Variants in XKR9 observed in about 807,000 individuals in gnomAD.
XKR9 encodes the protein XK related 9, also known as XK-related protein 9.
Under a neutral mutation model 32.0 loss-of-function variants are expected in XKR9, and 32 were observed. The ratio of observed to expected loss-of-function variants is 1.00; its 90% CI spans 0.76 to 1.34. The LOEUF (loss-of-function observed/expected upper bound fraction) is 1.34. Among genes scored for constraint, XKR9 ranks in the 40% most tolerant of loss-of-function variants. The pLI is 0.00. For synonymous variants in XKR9, 168 were observed against 143.4 expected, an observed-to-expected ratio of 1.17 and a Z score of -1.22; for missense variants, 546 against 429.7, an observed-to-expected ratio of 1.27 and a Z score of -2.39.
chr8:70,985,316 C>T, the XKR9 span, among the ~76,000 whole-genome samples: 1 of 152,196 alleles, frequency 6.6e-6, no homozygotes, highest in Non-Finnish European at 1.5e-5. Context: ...CAGCCTCATT[C>T]ATGTCCCTGC....
chr8:70,740,946 C>G (rs1302647835), intron 2 of XKR9, among the ~76,000 whole-genome samples: 1 of 152,220 alleles, frequency 6.6e-6, no homozygotes, highest in Admixed American at 6.5e-5. Context: ...GGCAGTCTGC[C>G]CGTTCTGAGA....
the XKR9 span, among the ~76,000 whole-genome samples, chr8:71,005,413 C>T: frequency 1.3e-5 from 2 of 150,976 alleles, no homozygotes; most frequent in East Asian, 2.0e-4. Context: ...TGGTAGAGAC[C>T]GGGTTTCATC....
At chr8:70,727,689 C>T (rs146615124) in intron 4 of XKR9, among the ~76,000 whole-genome samples, 11 of 152,186 alleles carry the variant, frequency 7.2e-5, no homozygotes, top group East Asian at 3.9e-4. Context: ...TGAACCACCG[C>T]GCCTGGCCTG....
At chr8:71,059,569 T>G in the XKR9 span, among the ~76,000 whole-genome samples, 7 of 152,238 alleles carry the variant, frequency 4.6e-5, no homozygotes, top group African/African-American at 1.7e-4. Context: ...CTTAGTGCTA[T>G]TCTCTCCCTT....
the XKR9 span, among the ~76,000 whole-genome samples, chr8:71,054,491 AG>A: frequency 1.4e-4 from 21 of 152,084 alleles, no homozygotes; most frequent in Non-Finnish European, 2.8e-4. Context: ...GCTGACACTA[AG>A]GGTAGGAGCC....
intron 3 of XKR9, among the ~76,000 whole-genome samples, chr8:70,696,322 C>A (rs188122988): frequency 0.072 from 11,002 of 152,198 alleles, 455 homozygotes; most frequent in Non-Finnish European, 0.088. Context: ...TTAGGCCTAA[C>A]ATGTAAGTCT....
intron 3 of XKR9, among the ~76,000 whole-genome samples, chr8:70,682,963 T>C (rs1819135291): frequency 6.6e-6 from 1 of 152,234 alleles, no homozygotes; most frequent in South Asian, 2.1e-4. Context: ...GTGTATCCTT[T>C]AGTATGGATG....
At chr8:70,919,876 C>A in the XKR9 span, among the ~76,000 whole-genome samples, 1 of 152,272 alleles carries the variant, frequency 6.6e-6, no homozygotes, top group South Asian at 2.1e-4. Context: ...TTCAAACAAA[C>A]TTTTCTTCCT....
At chr8:70,957,735 A>G in the XKR9 span, among the ~76,000 whole-genome samples, 1 of 150,592 alleles carries the variant, frequency 6.6e-6, no homozygotes, top group South Asian at 2.1e-4. Flanking sequence ...TTATGGCTGC[A>G]TAGTATTCCA....
At chr8:70,754,706 C>G (rs1020238366) in intron 2 of XKR9, among the ~76,000 whole-genome samples, 4 of 150,932 alleles carry the variant, frequency 2.7e-5, no homozygotes, top group African/African-American at 7.3e-5. Flanking sequence ...AACTGGCTAG[C>G]CATATGTAGA....
At chr8:70,991,526 G>T in the XKR9 span, among the ~76,000 whole-genome samples, 2 of 152,156 alleles carry the variant, frequency 1.3e-5, no homozygotes, top group African/African-American at 2.4e-5. Context: ...TTGAAACCAG[G>T]TGTCTTGATT....
the XKR9 span, among the ~76,000 whole-genome samples, chr8:70,831,023 G>T: frequency 1.6e-3 from 251 of 152,286 alleles, 6 homozygotes; most frequent in South Asian, 0.05. Flanking sequence ...AGACATGGTG[G>T]CTCACACCTG....
the XKR9 span, among the ~76,000 whole-genome samples, chr8:71,049,911 T>C: frequency 6.6e-6 from 1 of 152,116 alleles, no homozygotes; most frequent in Non-Finnish European, 1.5e-5. Flanking sequence ...TAAAATGATA[T>C]AAAACAAGAT....
At chr8:70,731,226 A>G (rs1806652902) in intron 4 of XKR9, among the ~76,000 whole-genome samples, 1 of 152,218 alleles carries the variant, frequency 6.6e-6, no homozygotes, top group Admixed American at 6.5e-5. Flanking sequence ...AGACTCATGC[A>G]GAGAAGACAA....
the XKR9 span, among the ~76,000 whole-genome samples, chr8:70,926,635 C>T: frequency 3.3e-5 from 5 of 152,270 alleles, no homozygotes; most frequent in South Asian, 6.2e-4. Context: ...TTTATTTCAA[C>T]CAATCTTAAT....
chr8:70,747,313 G>A (rs1355856301), intron 2 of XKR9, among the ~76,000 whole-genome samples: 3 of 152,198 alleles, frequency 2.0e-5, no homozygotes, highest in South Asian at 4.1e-4. Context: ...TCTGCTTTTA[G>A]TTCTTTGAGA....
the XKR9 span, among the ~76,000 whole-genome samples, chr8:70,830,808 T>C: frequency 6.6e-6 from 1 of 152,198 alleles, no homozygotes; most frequent in Non-Finnish European, 1.5e-5. Flanking sequence ...GGGATTATTA[T>C]TGACTTCTTA....
chr8:70,911,337 T>A, the XKR9 span, among the ~76,000 whole-genome samples: 1 of 152,208 alleles, frequency 6.6e-6, no homozygotes, highest in African/African-American at 2.4e-5. Context: ...GAAAACTTAC[T>A]TACAAATATA....
downstream of XKR9, among the ~76,000 whole-genome samples, chr8:70,739,323 C>G (rs147769597): frequency 0.014 from 2,063 of 152,098 alleles, 31 homozygotes; most frequent in African/African-American, 0.038. Context: ...TTGCTTGGTA[C>G]ATCTTCCTCC....
Sources: allele counts gnomAD v4.1 joint callset (sites outside exome capture counted in the v4.1 genomes callset), GRCh38; gene constraint gnomAD v4.1.1; transcripts MANE v1.5; gene names NCBI Gene and HGNC (gene_info 2026-07-23, HGNC 2026-07-21).